Variants in PCDH7 observed in about 807,000 individuals in gnomAD.
The protein encoded by PCDH7 is protocadherin-7.
A neutral mutation model predicts 58.9 loss-of-function variants in PCDH7; 17 were observed. The ratio of observed to expected loss-of-function variants is 0.29; its 90% CI spans 0.20 to 0.43. The LOEUF (loss-of-function observed/expected upper bound fraction) is 0.43. PCDH7 is among the 20% of genes least tolerant of loss of function. The pLI is 1.00. For missense variants in PCDH7, 1,274 were observed against 1,441.0 expected (o/e 0.88, Z 1.88); for synonymous variants, 664 against 616.4 (o/e 1.08, Z -1.14).
chr4:30,756,117 G>A (rs1171971318), intron 1 of PCDH7, among the ~76,000 whole-genome samples: 1 of 152,076 alleles, frequency 6.6e-6, no homozygotes. Flanking sequence ...ATATATGGCG[G>A]AGGTCAAAGT....
intron 1 of PCDH7, among the ~76,000 whole-genome samples, chr4:30,828,737 G>T (rs2109328334): frequency 6.6e-6 from 1 of 152,034 alleles, no homozygotes; most frequent in Non-Finnish European, 1.5e-5. Flanking sequence ...TATACACATT[G>T]AATATCATGC....
intron 1 of PCDH7, among the ~76,000 whole-genome samples, chr4:30,810,292 T>G (rs1726804709): frequency 1.3e-5 from 2 of 152,162 alleles, no homozygotes; most frequent in African/African-American, 4.8e-5. Flanking sequence ...TAAACGTTTA[T>G]TACATGTCAG....
intron 1 of PCDH7, among the ~76,000 whole-genome samples, chr4:30,788,545 T>TA (rs529715945): frequency 9.1e-4 from 138 of 152,054 alleles, no homozygotes; most frequent in African/African-American, 3.2e-3. Context: ...ACCAAAATAA[T>TA]AAAAAAAACT....
intron 3 of PCDH7, among the ~76,000 whole-genome samples, chr4:30,984,805 A>T (rs993609335): frequency 2.4e-4 from 36 of 152,174 alleles, no homozygotes; most frequent in African/African-American, 8.4e-4. Flanking sequence ...TAAAATGTTT[A>T]TCTTAGAGAA....
chr4:30,909,435 C>A (rs1741431419), intron 1 of PCDH7, among the ~76,000 whole-genome samples: 1 of 152,170 alleles, frequency 6.6e-6, no homozygotes, highest in Admixed American at 6.6e-5. Flanking sequence ...GAAAACCCAT[C>A]TTCTCAGCCC....
chr4:30,993,778 A>T (rs1343273182), intron 3 of PCDH7, among the ~76,000 whole-genome samples: 2 of 152,126 alleles, frequency 1.3e-5, no homozygotes, highest in African/African-American at 2.4e-5. Context: ...CCTAAAAAAA[A>T]CTCTGAGAGT....
At chr4:30,834,693 A>C (rs557290929) in intron 1 of PCDH7, among the ~76,000 whole-genome samples, 3 of 152,026 alleles carry the variant, frequency 2.0e-5, no homozygotes, top group African/African-American at 7.2e-5. Context: ...AGTCTCTTCC[A>C]AGACATTTGT....
At chr4:30,954,134 A>G (rs543169072) in intron 3 of PCDH7, among the ~76,000 whole-genome samples, 1 of 152,228 alleles carries the variant, frequency 6.6e-6, no homozygotes, top group South Asian at 2.1e-4. Flanking sequence ...CTATTTATGG[A>G]TAGATTATGG....
intron 3 of PCDH7, among the ~76,000 whole-genome samples, chr4:30,962,801 A>C (rs868063780): frequency 1.9e-4 from 29 of 151,506 alleles, no homozygotes; most frequent in African/African-American, 5.8e-4. Context: ...AAAAAAAAAA[A>C]AAAACAGTGG....
chr4:30,771,971 A>G (rs1195937227), intron 1 of PCDH7, among the ~76,000 whole-genome samples: 1 of 151,980 alleles, frequency 6.6e-6, no homozygotes, highest in Non-Finnish European at 1.5e-5. Flanking sequence ...CCAGGGTTCA[A>G]GCGATTCTCG....
rs574108362 is a variant in PCDH7 at position 30,893,855 on chromosome 4, C to T, written c.71-26298C>T. Among the ~76,000 whole-genome samples, 3 of 152,198 alleles carry T rather than the reference C, an allele frequency of 2.0e-5. No homozygotes were observed. In the East Asian group the frequency reaches 5.8e-4, roughly 29 times the overall value. ...GCTGCTTACACAGGCCTGCATGTAT[C>T]ATCTTGGCTAAATTTGCTAGATTAA... On this transcript the variant is annotated intron_variant, in intron 1 of 3. Coordinates refer to the PCDH7 transcript ENST00000509759.
At chr4:31,082,171 T>A (rs1187726287) in intron 3 of PCDH7, among the ~76,000 whole-genome samples, 1 of 152,228 alleles carries the variant, frequency 6.6e-6, no homozygotes, top group African/African-American at 2.4e-5. Context: ...CTGGACTGCC[T>A]TTGTAAAGCC....
At chr4:30,797,046 C>T (rs562122392) in intron 1 of PCDH7, among the ~76,000 whole-genome samples, 221 of 152,118 alleles carry the variant, frequency 1.5e-3, no homozygotes, top group African/African-American at 5.0e-3. Context: ...CTGCAACCTC[C>T]GCCTCTCGGA....
chr4:30,773,590 T>C (rs1015727778), intron 1 of PCDH7, among the ~76,000 whole-genome samples: 2 of 152,142 alleles, frequency 1.3e-5, no homozygotes, highest in Admixed American at 1.3e-4. Context: ...GTTTTCCTTA[T>C]ACAAGACTCT....
Position 30,832,747 on chromosome 4 carries a change from A to G in PCDH7, c.71-87406A>G, listed in dbSNP as rs1051463174. Among the ~76,000 whole-genome samples, 3 of 152,184 alleles carry G rather than the reference A, an allele frequency of 2.0e-5. No homozygotes were observed. The East Asian group carries it at 5.8e-4, about 29-fold the overall frequency. ...GTCATGAGCCATACACTGTCTAGATACCAGATATGCAGATATGAATGAGGA... is the reference window on the plus strand; with the variant it reads ...GTCATGAGCCATACACTGTCTAGATGCCAGATATGCAGATATGAATGAGGA... On this transcript the variant is annotated intron_variant, in intron 1 of 3. Transcript: ENST00000509759.
chr4:30,774,904 T>A (rs1266168087), intron 1 of PCDH7, among the ~76,000 whole-genome samples: 5 of 152,230 alleles, frequency 3.3e-5, no homozygotes, highest in Non-Finnish European at 1.5e-5. Context: ...TATGACTGTG[T>A]GTGCAATTTA....
chr4:30,770,770 G>C (rs189112657), intron 1 of PCDH7, among the ~76,000 whole-genome samples: 1 of 151,976 alleles, frequency 6.6e-6, no homozygotes, highest in Non-Finnish European at 1.5e-5. Flanking sequence ...AATTTTCACC[G>C]TGTTCCATTT....
intron 3 of PCDH7, among the ~76,000 whole-genome samples, chr4:31,063,587 G>C (rs1757857406): frequency 6.6e-6 from 1 of 151,758 alleles, no homozygotes. Context: ...CCCAAGTTAA[G>C]TAACTTGTAA....
chr4:31,137,795 CAAAT>C (rs1382844378), intron 3 of PCDH7, among the ~76,000 whole-genome samples: 1 of 151,412 alleles, frequency 6.6e-6, no homozygotes, highest in East Asian at 1.9e-4. Context: ...GTGAGTTAAA[CAAAT>C]AAATGATACA....
Sources: gnomAD v4.1 joint callset for allele counts (sites outside exome capture counted in the v4.1 genomes callset) on GRCh38, gnomAD v4.1.1 for gene constraint, MANE v1.5 for transcripts, NCBI Gene and HGNC (gene_info 2026-07-23, HGNC 2026-07-21) for gene names.